The following NCAM1 variants were observed in gnomAD, a reference collection of about 807,000 sequenced individuals.
NCAM1 encodes the protein neural cell adhesion molecule 1, also known as antigen recognized by monoclonal antibody 5.1H11.
Under a neutral mutation model 109.8 loss-of-function variants are expected in NCAM1, and 14 were observed. That is an observed-to-expected ratio of 0.13 (90% CI 0.08 to 0.20). The LOEUF is 0.20. NCAM1 is among the 10% of genes least tolerant of loss of function. NCAM1 has a pLI of 1.00. For synonymous variants in NCAM1, 418 were observed against 442.9 expected (o/e 0.94, Z 0.70); for missense variants, 774 against 1,109.9 (o/e 0.70, Z 4.30).
chr11:113,123,051 G>A (rs1941032511), intron 1 of NCAM1, among the ~76,000 whole-genome samples: 1 of 152,208 alleles, frequency 6.6e-6, no homozygotes, highest in African/African-American at 2.4e-5. Context: ...ACCAGAGGCA[G>A]GGAAGGGTGT....
chr11:113,182,829 C>A (rs1943374952), intron 1 of NCAM1, among the ~76,000 whole-genome samples: 1 of 152,224 alleles, frequency 6.6e-6, no homozygotes. Context: ...CTTACAGCGG[C>A]AGCCCTCGCT....
At chr11:113,044,387 TA>T (rs1490918448) in intron 1 of NCAM1, among the ~76,000 whole-genome samples, 2 of 152,166 alleles carry the variant, frequency 1.3e-5, no homozygotes, top group African/African-American at 4.8e-5. Context: ...ATACATGCTG[TA>T]AAACATGATT....
intron 1 of NCAM1, among the ~76,000 whole-genome samples, chr11:113,053,260 A>G (rs1953575308): frequency 6.6e-6 from 1 of 152,192 alleles, no homozygotes; most frequent in South Asian, 2.1e-4. Flanking sequence ...ATGGCTGCAT[A>G]GTATTCCATG....
chr11:113,234,331 T>C (rs1447509224), intron 13 of NCAM1, among the ~76,000 whole-genome samples: 2 of 152,068 alleles, frequency 1.3e-5, no homozygotes, highest in Admixed American at 1.3e-4. Flanking sequence ...TTACGTTCCA[T>C]CATTTTTAAG....
rs1555113171 is a variant in NCAM1 at position 113,207,997 on chromosome 11, T to A, written c.911T>A (p.Val304Asp). The A allele has an allele frequency of 6.2e-7, 1 of 1,607,118 alleles. No individual in the cohort carries two copies. Among genetic ancestry groups the A allele is most frequent in the East Asian group, 2.2e-5 (1 of 44,654 alleles). Residue 304 changes from valine (V) to aspartate (D), a missense_variant, in exon 7 of 20, where the codon GTC (valine) becomes GAC (aspartate). By Grantham distance (152) the Val-to-Asp change is radical. Around this residue, in one of 4 missense-constraint regions of NCAM1, gnomAD observed 523 missense variants for 784.2 expected, o/e 0.67. Transcript: ENST00000316851. ...GEQDATIHLK[V>D]FAKPKITYVE... ...CAGGATGCGACCATCCACCTCAAAG[T>A]CTTTGGTAGGGGCAGTGGGGGCCCA... is the stretch of plus-strand genomic sequence containing the variant.
At position 113,081,564 on chromosome 11, in the gene NCAM1, C is replaced by T. The variant is rs954629051; in HGVS notation, c.52+119900C>T. On this transcript the variant is annotated intron_variant, in intron 1 of 19. Transcript: ENST00000316851. Reference sequence around the variant, plus strand: ...TTTCTTTTTTTCTTTTTTTTTGTTTCGCTCTTGTCACCCAGGCTGGAGTGC... The same window carrying T: ...TTTCTTTTTTTCTTTTTTTTTGTTTTGCTCTTGTCACCCAGGCTGGAGTGC... Among the ~76,000 whole-genome samples the T allele has an allele frequency of 2.7e-5, 4 of 150,216 alleles. 1 individual carries two copies. Among genetic ancestry groups the T allele is most frequent in the Admixed American group, 1.3e-4 (2 of 15,092 alleles).
intron 13 of NCAM1, among the ~76,000 whole-genome samples, chr11:113,234,257 CTT>C (rs5794856): frequency 0.01 from 1,426 of 141,082 alleles, 19 homozygotes; most frequent in African/African-American, 0.033. Flanking sequence ...GTCCACCCGA[CTT>C]TTTTTTTTTT....
intron 15 of NCAM1, among the ~76,000 whole-genome samples, chr11:113,249,718 G>C (rs1945607367): frequency 6.6e-6 from 1 of 152,174 alleles, no homozygotes. Flanking sequence ...TTTTTAGGAT[G>C]ATGAAACAAA....
At chr11:113,130,429 A>T (rs1193915362) in intron 1 of NCAM1, among the ~76,000 whole-genome samples, 1 of 152,210 alleles carries the variant, frequency 6.6e-6, no homozygotes, top group African/African-American at 2.4e-5. Flanking sequence ...AGTCAATTAA[A>T]CAGTATGCCA....
Position 113,001,294 on chromosome 11 carries a change from T to C in NCAM1, c.52+39630T>C, listed in dbSNP as rs369717895. On this transcript the variant is annotated intron_variant, in intron 1 of 19. Transcript: ENST00000316851. ...CAGGTTTCCTGGAGCATAGAAGTTATTATTGAAATGCTTGCCCTAGTTCAA... is the reference window on the plus strand; with the variant it reads ...CAGGTTTCCTGGAGCATAGAAGTTACTATTGAAATGCTTGCCCTAGTTCAA... Among the ~76,000 whole-genome samples the C allele has an allele frequency of 7.2e-4, 109 of 152,280 alleles. 2 individuals are homozygous for C. The South Asian group carries it at 0.013, about 18-fold the overall frequency.
intron 1 of NCAM1, among the ~76,000 whole-genome samples, chr11:113,005,007 C>T (rs960006375): frequency 6.6e-6 from 1 of 152,026 alleles, no homozygotes; most frequent in Admixed American, 6.6e-5. Flanking sequence ...TTTTTGCTAT[C>T]ATATTTTTTA....
chr11:113,112,697 G>A (rs782391775), intron 1 of NCAM1, among the ~76,000 whole-genome samples: 2 of 152,152 alleles, frequency 1.3e-5, no homozygotes, highest in African/African-American at 2.4e-5. Flanking sequence ...GCTGAACGTG[G>A]CCAGCCTTCT....
intron 1 of NCAM1, among the ~76,000 whole-genome samples, chr11:113,157,247 G>C (rs1942446429): frequency 6.6e-6 from 1 of 152,058 alleles, no homozygotes; most frequent in Non-Finnish European, 1.5e-5. Flanking sequence ...ACAGAGAAAT[G>C]AATGGCTCAA....
intron 1 of NCAM1, among the ~76,000 whole-genome samples, chr11:113,174,169 C>T (rs1442321818): frequency 1.3e-5 from 2 of 152,134 alleles, no homozygotes; most frequent in African/African-American, 4.8e-5. Flanking sequence ...CTGAAGATTT[C>T]CTGGCAATCC....
intron 1 of NCAM1, among the ~76,000 whole-genome samples, chr11:113,128,846 G>T (rs1941280084): frequency 6.6e-6 from 1 of 151,524 alleles, no homozygotes; most frequent in African/African-American, 2.4e-5. Context: ...GGGGACAGCT[G>T]GAATTATTGA....
At chr11:113,159,631 A>G (rs1281990848) in intron 1 of NCAM1, among the ~76,000 whole-genome samples, 2 of 152,138 alleles carry the variant, frequency 1.3e-5, no homozygotes, top group South Asian at 2.1e-4. Flanking sequence ...TATTACATGC[A>G]TTTTATTTTT....
At chr11:113,060,271 T>C (rs1953870888) in intron 1 of NCAM1, among the ~76,000 whole-genome samples, 1 of 152,226 alleles carries the variant, frequency 6.6e-6, no homozygotes, top group Admixed American at 6.5e-5. Context: ...TTCCAGGGCA[T>C]AATTGAGATT....
chr11:113,186,814 A>C (rs1555108960), intron 1 of NCAM1, among the ~76,000 whole-genome samples: 1 of 152,234 alleles, frequency 6.6e-6, no homozygotes, highest in African/African-American at 2.4e-5. Flanking sequence ...AGCATGCAAC[A>C]GGATATTCAC....
At chr11:113,162,678 G>T (rs559283335) in intron 1 of NCAM1, among the ~76,000 whole-genome samples, 1 of 152,190 alleles carries the variant, frequency 6.6e-6, no homozygotes, top group Non-Finnish European at 1.5e-5. Context: ...AAAAATGAAT[G>T]TGGGACTGTC....
Sources: allele counts gnomAD v4.1 joint callset (sites outside exome capture counted in the v4.1 genomes callset), GRCh38; gene constraint gnomAD v4.1.1; regional missense constraint gnomAD v4.1.1; transcripts MANE v1.5; gene names NCBI Gene and HGNC (gene_info 2026-07-23, HGNC 2026-07-21).